The following UNC5D variants were observed in gnomAD, a reference collection of about 807,000 sequenced individuals.
The protein encoded by UNC5D is unc-5 netrin receptor D.
In UNC5D, 39 loss-of-function variants were observed where a neutral mutation model predicts 105.4. That is an observed-to-expected ratio of 0.37 (90% CI 0.29 to 0.48). UNC5D has a LOEUF of 0.48. Among genes scored for constraint, UNC5D ranks in the 20% least tolerant of loss-of-function variants. The pLI, the probability that UNC5D is intolerant of heterozygous loss-of-function variation, is 0.98. For missense variants in UNC5D, 991 were observed against 1,202.4 expected (o/e 0.82, Z 2.60); for synonymous variants, 452 against 450.4 (o/e 1.00, Z -0.04).
intron 1 of UNC5D, among the ~76,000 whole-genome samples, chr8:35,305,593 C>CTTTCTCTTTCA (rs1808304202): frequency 7.0e-6 from 1 of 142,022 alleles, no homozygotes; most frequent in Non-Finnish European, 1.5e-5. Context: ...TTCTTTCTTT[C>CTTTCTCTTTCA]TTTCTTTCTT....
chr8:35,763,968 T>TA (rs1489943906), intron 14 of UNC5D, among the ~76,000 whole-genome samples: 2 of 152,046 alleles, frequency 1.3e-5, no homozygotes, highest in African/African-American at 4.8e-5. Context: ...TCATTAGAGG[T>TA]AAAAAAGAGA....
intron 4 of UNC5D, among the ~76,000 whole-genome samples, chr8:35,599,017 T>A (rs1003979107): frequency 4.0e-5 from 6 of 151,466 alleles, no homozygotes; most frequent in Admixed American, 6.6e-5. Flanking sequence ...GTGGCGCACA[T>A]CTGTAGTCCC....
At chr8:35,767,264 A>G (rs1315776259) in intron 15 of UNC5D, among the ~76,000 whole-genome samples, 198 bp downstream of exon 15, 2 of 152,194 alleles carry the variant, frequency 1.3e-5, no homozygotes, top group Non-Finnish European at 2.9e-5. Flanking sequence ...GGGCAAGGAA[A>G]CTCAACCCAT....
chr8:35,719,217 G>A (rs933092717), intron 8 of UNC5D, among the ~76,000 whole-genome samples: 29 of 148,054 alleles, frequency 2.0e-4, no homozygotes, highest in Admixed American at 1.0e-3. Context: ...TGAAGTCAGG[G>A]TAAAAAAATC....
Position 35,748,606 on chromosome 8 carries a change from T to C in UNC5D, c.1846T>C (p.Phe616Leu), listed in dbSNP as rs746930749. The change falls in exon 12 of 17, where the codon TTT becomes CTT. Residue 616 changes from phenylalanine to leucine, a missense_variant. This residue lies in a region of UNC5D where 944 missense variants were observed against 1,131.6 expected (regional missense o/e 0.83). Coordinates refer to ENST00000404895, the MANE Select transcript of UNC5D (RefSeq NM_080872.4). The stretch of plus-strand genomic sequence containing the variant: ...TCCAGACATGATCGTCACCACTCCC[T>C]TTGCATTGACCATCCCGCACTGTGC... Reference protein sequence around the residue: ...GPPDMIVTTPFALTIPHCADV... With the variant: ...GPPDMIVTTPLALTIPHCADV... 2 of 1,614,088 alleles carry C rather than the reference T, an allele frequency of 1.2e-6. No homozygotes were observed. The highest frequency in any genetic ancestry group is 2.2e-5 in the South Asian group (2 of 91,080).
At chr8:35,533,698 G>A (rs1300746071) in intron 1 of UNC5D, among the ~76,000 whole-genome samples, 9 of 152,210 alleles carry the variant, frequency 5.9e-5, no homozygotes, top group African/African-American at 1.9e-4. Flanking sequence ...CAATCAGCGA[G>A]ATTCCGTGGG....
At chr8:35,681,218 C>A (rs919253956) in intron 4 of UNC5D, among the ~76,000 whole-genome samples, 1 of 152,116 alleles carries the variant, frequency 6.6e-6, no homozygotes, top group Non-Finnish European at 1.5e-5. Context: ...TTTCTTGTTG[C>A]TCATAACAAA....
chr8:35,691,226 T>G (rs76166885), intron 7 of UNC5D, among the ~76,000 whole-genome samples: 4,135 of 152,262 alleles, frequency 0.027, 177 homozygotes, highest in African/African-American at 0.092. Flanking sequence ...GCTTATGCCT[T>G]TTATGCTAGC....
intron 1 of UNC5D, among the ~76,000 whole-genome samples, chr8:35,475,939 C>T (rs1006643703): frequency 2.0e-5 from 3 of 152,152 alleles, no homozygotes; most frequent in South Asian, 2.1e-4. Context: ...CTAATGCTTA[C>T]TGAGTGCCCA....
chr8:35,390,711 AT>A (rs1277679079), intron 1 of UNC5D, among the ~76,000 whole-genome samples: 2 of 152,162 alleles, frequency 1.3e-5, no homozygotes, highest in Non-Finnish European at 2.9e-5. Flanking sequence ...CATATATTTC[AT>A]TTTCAAATAT....
chr8:35,334,409 A>C (rs2128895958), intron 1 of UNC5D, among the ~76,000 whole-genome samples: 1 of 152,348 alleles, frequency 6.6e-6, no homozygotes, highest in East Asian at 1.9e-4. Flanking sequence ...TTTTCTAAGT[A>C]GGACTTTTAT....
At chr8:35,317,338 A>T (rs1342030065) in intron 1 of UNC5D, among the ~76,000 whole-genome samples, 1 of 152,160 alleles carries the variant, frequency 6.6e-6, no homozygotes, top group African/African-American at 2.4e-5. Context: ...TTGGTTCTGT[A>T]AATGTTTGAA....
At position 35,299,935 on chromosome 8, in the gene UNC5D, C is replaced by G. The variant is rs529314349; in HGVS notation, c.103+64048C>G. ...AAAGGCAAAGTGCAGAAGGGTTACT[C>G]TGAGATATTCCTTACTTAATAAAAT... On this transcript the variant is annotated intron_variant, in intron 1 of 16. Transcript: ENST00000404895. Among the ~76,000 whole-genome samples the G allele has an allele frequency of 1.6e-3, 244 of 152,176 alleles. 1 individual carries two copies. The highest frequency in any genetic ancestry group is 5.7e-3 in the African/African-American group (236 of 41,524).
At chr8:35,365,226 C>T (rs1802045489) in intron 1 of UNC5D, among the ~76,000 whole-genome samples, 2 of 152,070 alleles carry the variant, frequency 1.3e-5, no homozygotes, top group Non-Finnish European at 1.5e-5. Context: ...TAGCCAATCT[C>T]ATTAGTGTCT....
At chr8:35,774,926 CA>C (rs548702956) in intron 16 of UNC5D, among the ~76,000 whole-genome samples, 524 of 120,068 alleles carry the variant, frequency 4.4e-3, no homozygotes, top group Middle Eastern at 7.8e-3. Context: ...GACCCTCCTC[CA>C]AAAAAAAAAA....
At position 35,595,601 on chromosome 8, in the gene UNC5D, A is replaced by T; in HGVS notation, c.514A>T (p.Ile172Phe). 1 of 1,614,086 alleles carries T rather than the reference A, an allele frequency of 6.2e-7. No homozygotes were observed. Among genetic ancestry groups the T allele is most frequent in the Non-Finnish European group, 8.5e-7 (1 of 1,179,988 alleles). The change falls in exon 4 of 17, where the codon ATT (isoleucine) becomes TTT (phenylalanine). Residue 172 changes from isoleucine (I) to phenylalanine (F), a missense_variant. This residue lies in a region of UNC5D where 944 missense variants were observed against 1,131.6 expected (regional missense o/e 0.83). Coordinates refer to ENST00000404895, the MANE Select transcript of UNC5D (RefSeq NM_080872.4). Reference protein sequence around the residue: ...EQDPQGREVPIEGMIVLHCRP... With the variant: ...EQDPQGREVPFEGMIVLHCRP... ...AGACCCACAAGGAAGGGAAGTTCCC[A>T]TTGAAGGCATGATTGTACTGCACTG...
intron 1 of UNC5D, among the ~76,000 whole-genome samples, chr8:35,533,836 T>G (rs1421242382): frequency 6.6e-6 from 1 of 152,184 alleles, no homozygotes; most frequent in African/African-American, 2.4e-5. Flanking sequence ...CCCCTTTCTT[T>G]GACTCGCAAA....
rs557241211 is a variant in UNC5D, at chr8:35,673,436, A to T, written c.571-10111A>T. Among the ~76,000 whole-genome samples the T allele has an allele frequency of 2.1e-3, 315 of 152,336 alleles. 2 individuals carry two copies. The highest frequency in any genetic ancestry group is 7.3e-3 in the African/African-American group (303 of 41,580). On this transcript the variant is annotated intron_variant, in intron 4 of 16. Coordinates refer to ENST00000404895, the MANE Select transcript of UNC5D (RefSeq NM_080872.4). ...GGCAAATATTAAAGAGTAGCCTTTC[A>T]CATAGTCACTAAGACGCCTAAGAAA...
intron 7 of UNC5D, among the ~76,000 whole-genome samples, chr8:35,700,473 G>A (rs893946138): frequency 7.9e-5 from 12 of 152,160 alleles, no homozygotes; most frequent in South Asian, 6.2e-4. Flanking sequence ...AAAAAAATAC[G>A]TTGTGTTTTA....
Sources: allele counts gnomAD v4.1 joint callset (sites outside exome capture counted in the v4.1 genomes callset), GRCh38; gene constraint gnomAD v4.1.1; regional missense constraint gnomAD v4.1.1; transcripts MANE v1.5; gene names NCBI Gene and HGNC (gene_info 2026-07-23, HGNC 2026-07-21).